The following CDK14 variants were observed in gnomAD, a reference collection of about 807,000 sequenced individuals.
CDK14 encodes cyclin dependent kinase 14.
Under a neutral mutation model 60.7 loss-of-function variants are expected in CDK14, and 34 were observed. The observed-to-expected ratio is 0.56, with a 90% confidence interval of 0.43 to 0.75. CDK14 has a LOEUF of 0.75. Ranked by LOEUF, CDK14 falls within the 30% of genes least tolerant of loss-of-function variation. The pLI, the probability that CDK14 is intolerant of heterozygous loss-of-function variation, is 0.00. For synonymous variants in CDK14, 197 were observed against 203.7 expected (o/e 0.97, Z 0.28); for missense variants, 482 against 564.1 (o/e 0.85, Z 1.47).
At chr7:90,672,261 G>T (rs764390029) in intron 2 of CDK14, among the ~76,000 whole-genome samples, 1 of 151,812 alleles carries the variant, frequency 6.6e-6, no homozygotes, top group African/African-American at 2.4e-5. Context: ...CCATTACCAC[G>T]GTTTTAGAAC....
At chr7:90,966,930 GC>G (rs1794769275) in intron 9 of CDK14, among the ~76,000 whole-genome samples, 1 of 152,038 alleles carries the variant, frequency 6.6e-6, no homozygotes, top group Admixed American at 6.5e-5. Context: ...AAGTACTTGT[GC>G]CTTCTCGTAG....
intron 14 of CDK14, among the ~76,000 whole-genome samples, chr7:91,153,363 A>T (rs954347811): frequency 6.6e-6 from 1 of 152,202 alleles, no homozygotes; most frequent in Non-Finnish European, 1.5e-5. Flanking sequence ...CAGAACTGTC[A>T]TTTGACCCAG....
Position 91,112,573 on chromosome 7 carries a change from G to T in CDK14, c.1186G>T (p.Ala396Ser). The part of the protein sequence containing the change: ...LSYVNHAEDL[A>S]SKLLQCSPKN... ...CTATGTGAACCATGCAGAGGACCTG[G>T]CCTCCAAGCTCCTACAATGTTCCCC... The change falls in exon 13 of 15, where the codon GCC (alanine) becomes TCC (serine). Residue 396 changes from alanine (A) to serine (S), a missense_variant. Transcript: ENST00000380050. 2 of 1,613,648 alleles carry T rather than the reference G, an allele frequency of 1.2e-6. No homozygotes were observed. The highest frequency in any genetic ancestry group is 1.7e-6 in the Non-Finnish European group (2 of 1,179,798).
At chr7:91,051,576 G>A (rs1464249706) in intron 11 of CDK14, among the ~76,000 whole-genome samples, 10 of 152,160 alleles carry the variant, frequency 6.6e-5, no homozygotes, top group Admixed American at 5.9e-4. Context: ...AAGTCTTGAG[G>A]TGAGAGATTG....
intron 2 of CDK14, among the ~76,000 whole-genome samples, chr7:90,681,074 A>G (rs1801305514): frequency 6.6e-6 from 1 of 152,234 alleles, no homozygotes; most frequent in Non-Finnish European, 1.5e-5. Context: ...CATCAAGGCC[A>G]GAGTTTTAAT....
intron 2 of CDK14, among the ~76,000 whole-genome samples, chr7:90,630,292 A>T (rs1799966136): frequency 6.6e-6 from 1 of 152,202 alleles, no homozygotes. Context: ...TAGATGGTAT[A>T]GCCTATTGCA....
rs546196916 is a variant in CDK14, at chr7:91,209,382, C to A, written c.*2246C>A. 9.1e-6 allele frequency: 1 copy of A among 109,522 alleles called. No individual in the cohort carries two copies. Among genetic ancestry groups the A allele is most frequent in the East Asian group, 2.7e-4 (1 of 3,766 alleles). 6.8% of individuals were successfully genotyped at this position (109,522 alleles called of 1,614,324 possible). A position where few individuals can be genotyped will look rare whatever the true frequency, so the allele number is the denominator to read the frequency against. On this transcript the variant is annotated 3_prime_UTR_variant, in exon 15 of 15. Coordinates refer to ENST00000380050, the MANE Select transcript of CDK14 (RefSeq NM_001287135.2). Reference sequence around the variant, plus strand: ...ATCCTTGCCACCCATACAGGAAATCCAAAGTTTGGTGTCTCTCTCTCTCTG... The same window carrying A: ...ATCCTTGCCACCCATACAGGAAATCAAAAGTTTGGTGTCTCTCTCTCTCTG...
At chr7:91,044,102 G>T (rs1192104397) in intron 10 of CDK14, among the ~76,000 whole-genome samples, 1 of 151,800 alleles carries the variant, frequency 6.6e-6, no homozygotes, top group Non-Finnish European at 1.5e-5. Context: ...CCATGACACA[G>T]CCCTCAGGAG....
chr7:90,920,289 T>C (rs1042839386), intron 8 of CDK14, among the ~76,000 whole-genome samples: 2 of 152,210 alleles, frequency 1.3e-5, no homozygotes, highest in African/African-American at 4.8e-5. Context: ...CCTTTTTTCC[T>C]TATGTGAACA....
rs751441445 is a variant in CDK14 at position 91,112,603 on chromosome 7, A to G, written c.1216A>G (p.Asn406Asp). ...CAAGCTCCTACAATGTTCCCCAAAG[A>G]ACAGACTGTCGGCACAGGCTGCCTT... is the stretch of plus-strand genomic sequence containing the variant. ...ASKLLQCSPK[N>D]RLSAQAALSH... Residue 406 changes from asparagine (N) to aspartate (D), a missense_variant, in exon 13 of 15, where the codon AAC becomes GAC. Coordinates refer to ENST00000380050, the MANE Select transcript of CDK14 (RefSeq NM_001287135.2). The G allele has an allele frequency of 3.7e-6, 6 of 1,613,716 alleles. No individual in the cohort carries two copies. Among genetic ancestry groups the G allele is most frequent in the African/African-American group, 2.7e-5 (2 of 74,892 alleles).
intron 11 of CDK14, among the ~76,000 whole-genome samples, chr7:91,078,587 A>G (rs925807527): frequency 6.6e-6 from 1 of 152,188 alleles, no homozygotes; most frequent in African/African-American, 2.4e-5. Flanking sequence ...AGCGTGGGCA[A>G]CAGAGCAAGG....
chr7:90,902,975 G>A (rs1375398769), intron 7 of CDK14, among the ~76,000 whole-genome samples: 1 of 151,998 alleles, frequency 6.6e-6, no homozygotes, highest in Non-Finnish European at 1.5e-5. Flanking sequence ...TGGTGCATAG[G>A]TAGTAAAACA....
intron 3 of CDK14, 60 bp from the exon 4 acceptor site, chr7:90,747,621 G>A (rs372063799): frequency 2.2e-6 from 2 of 923,004 alleles, no homozygotes; most frequent in East Asian, 2.7e-5. Flanking sequence ...CAAAATCAGG[G>A]TATTTGTTGT....
intron 2 of CDK14, among the ~76,000 whole-genome samples, chr7:90,664,824 G>T (rs1216952516): frequency 6.6e-6 from 1 of 151,938 alleles, no homozygotes; most frequent in African/African-American, 2.4e-5. Context: ...AGCATTAGGA[G>T]ATATACCTAA....
intron 11 of CDK14, among the ~76,000 whole-genome samples, chr7:91,076,173 G>T (rs570127375): frequency 7.7e-6 from 1 of 129,394 alleles, no homozygotes; most frequent in Admixed American, 9.4e-5. Flanking sequence ...AGACAATCCT[G>T]AGCAAAAAGA....
chr7:90,989,262 C>A (rs1795466451), intron 10 of CDK14, among the ~76,000 whole-genome samples: 1 of 152,102 alleles, frequency 6.6e-6, no homozygotes, highest in African/African-American at 2.4e-5. Context: ...TAAGGGAAAG[C>A]TGATATCACC....
At chr7:90,642,515 A>G (rs1426513964) in intron 2 of CDK14, among the ~76,000 whole-genome samples, 1 of 152,080 alleles carries the variant, frequency 6.6e-6, no homozygotes, top group Non-Finnish European at 1.5e-5. Context: ...AAATGAATAG[A>G]TAGCAAGAGT....
intron 5 of CDK14, among the ~76,000 whole-genome samples, chr7:90,861,963 A>G (rs1670056238): frequency 6.6e-6 from 1 of 152,240 alleles, no homozygotes; most frequent in Non-Finnish European, 1.5e-5. Flanking sequence ...ATATGAATTG[A>G]ATATTTGAAT....
chr7:91,142,775 C>G (rs1562922631), intron 14 of CDK14, among the ~76,000 whole-genome samples: 2 of 152,098 alleles, frequency 1.3e-5, no homozygotes, highest in East Asian at 3.9e-4. Flanking sequence ...TCAGGGGAAC[C>G]AGGAACAAAA....
Sources: gnomAD v4.1 joint callset for allele counts (sites outside exome capture counted in the v4.1 genomes callset) on GRCh38, gnomAD v4.1.1 for gene constraint, MANE v1.5 for transcripts, NCBI Gene and HGNC (gene_info 2026-07-23, HGNC 2026-07-21) for gene names.